Variants in ELMO1 observed in about 807,000 individuals in gnomAD.
The protein encoded by ELMO1 is engulfment and cell motility protein 1.
In ELMO1, 26 loss-of-function variants were observed where a neutral mutation model predicts 98.9. That is an observed-to-expected ratio of 0.26 (90% CI 0.19 to 0.36). The LOEUF is 0.36. Among genes scored for constraint, ELMO1 ranks in the 10% least tolerant of loss-of-function variants. The pLI, the probability that ELMO1 is intolerant of heterozygous loss-of-function variation, is 1.00. For missense variants in ELMO1, 627 were observed against 935.2 expected, an observed-to-expected ratio of 0.67 and a Z score of 4.30; for synonymous variants, 346 against 346.0, an observed-to-expected ratio of 1.00 and a Z score of 0.00.
intron 2 of ELMO1, among the ~76,000 whole-genome samples, chr7:37,332,811 G>C (rs1268587325): frequency 6.6e-6 from 1 of 152,204 alleles, no homozygotes; most frequent in African/African-American, 2.4e-5. Context: ...TTCTATTCTA[G>C]TGCAATGGAA....
chr7:37,013,208 C>A (rs1793678682), intron 16 of ELMO1, 91 bp downstream of exon 16: 3 of 1,484,702 alleles, frequency 2.0e-6, no homozygotes, highest in Middle Eastern at 1.8e-4. Context: ...CCCCACCTTG[C>A]CAATTGCCTT....
At chr7:37,098,498 G>A (rs1784476681) in intron 14 of ELMO1, among the ~76,000 whole-genome samples, 4 of 152,194 alleles carry the variant, frequency 2.6e-5, no homozygotes, top group Admixed American at 2.6e-4. Flanking sequence ...ATCAAACGAT[G>A]AGAAAGACCT....
intron 1 of ELMO1, among the ~76,000 whole-genome samples, chr7:37,346,975 T>C (rs971429010): frequency 1.3e-5 from 2 of 152,054 alleles, no homozygotes; most frequent in African/African-American, 4.8e-5. Context: ...AAAGCAGCCA[T>C]TGAGAGAGCA....
At chr7:37,004,379 T>A (rs895208957) in intron 16 of ELMO1, among the ~76,000 whole-genome samples, 18 of 152,242 alleles carry the variant, frequency 1.2e-4, no homozygotes, top group Non-Finnish European at 2.1e-4. Context: ...CAGAAGTTAC[T>A]GAACAGAGTT....
intron 6 of ELMO1, among the ~76,000 whole-genome samples, chr7:37,253,936 T>G (rs1328984214): frequency 2.0e-5 from 3 of 152,166 alleles, no homozygotes; most frequent in Admixed American, 1.3e-4. Context: ...AATTACAGGA[T>G]CTATTTAATT....
chr7:37,271,629 C>T (rs572905778), intron 5 of ELMO1: 14 of 549,130 alleles, frequency 2.5e-5, no homozygotes, highest in East Asian at 1.2e-4. Context: ...GCTTGCCCTT[C>T]GCCTGGAATA....
chr7:37,250,265 G>T (rs1221585417), intron 6 of ELMO1, among the ~76,000 whole-genome samples: 1 of 152,028 alleles, frequency 6.6e-6, no homozygotes, highest in Non-Finnish European at 1.5e-5. Flanking sequence ...AATGACAGGG[G>T]AGAATAATAT....
chr7:36,985,451 C>T (rs529680076), intron 16 of ELMO1, among the ~76,000 whole-genome samples: 4 of 151,982 alleles, frequency 2.6e-5, no homozygotes, highest in East Asian at 3.9e-4. Context: ...TGCTTCATTC[C>T]GTGGCTGGGG....
At chr7:36,877,819 C>T (rs974018290) in intron 19 of ELMO1, among the ~76,000 whole-genome samples, 191 bp downstream of exon 19, 8 of 152,298 alleles carry the variant, frequency 5.3e-5, no homozygotes, top group African/African-American at 1.9e-4. Context: ...TTACATTCTC[C>T]CCTATTCAGT....
chr7:37,427,294 T>C (rs1297461146), intron 1 of ELMO1, among the ~76,000 whole-genome samples: 1 of 152,248 alleles, frequency 6.6e-6, no homozygotes, highest in African/African-American at 2.4e-5. Flanking sequence ...AAGATATGTT[T>C]CAGGCTAAGA....
chr7:36,985,016 G>A lies in ELMO1; in HGVS notation c.1437+28283C>T, dbSNP rs190693070. 4.0e-5 allele frequency: 39 copies of A among 985,390 alleles called. No individual in the cohort carries two copies. The East Asian group carries it at 4.1e-3, about 103-fold the overall frequency. 61.0% of individuals were successfully genotyped at this position (985,390 alleles called of 1,614,324 possible). On this transcript the variant is annotated intron_variant, in intron 16 of 21. Transcript: ENST00000310758. ...CATTTTTAAGTTTGCAGCTAGAAGGGTCCCTACAGGCAAAGAGTTTCTCGT... is the reference window on the plus strand; with the variant it reads ...CATTTTTAAGTTTGCAGCTAGAAGGATCCCTACAGGCAAAGAGTTTCTCGT...
chr7:36,934,942 G>A (rs1786382345), intron 16 of ELMO1, among the ~76,000 whole-genome samples: 1 of 152,138 alleles, frequency 6.6e-6, no homozygotes, highest in Admixed American at 6.5e-5. Context: ...CTTCCATCTG[G>A]GAGATTTGCT....
At chr7:37,254,583 G>A (rs890500833) in intron 6 of ELMO1, among the ~76,000 whole-genome samples, 3 of 152,156 alleles carry the variant, frequency 2.0e-5, no homozygotes, top group Admixed American at 6.5e-5. Context: ...ACTAGGCTGA[G>A]TAGTGTACGC....
At chr7:37,396,424 T>C (rs930933177) in intron 1 of ELMO1, among the ~76,000 whole-genome samples, 5 of 152,100 alleles carry the variant, frequency 3.3e-5, no homozygotes, top group Non-Finnish European at 5.9e-5. Context: ...GTATAATGCA[T>C]GTCAGAGCCA....
At position 37,343,494 on chromosome 7, in the gene ELMO1, T is replaced by C. The variant is rs1003651900; in HGVS notation, c.-73-731A>G. 2.7e-3 allele frequency among the ~76,000 whole-genome samples: 388 copies of C among 143,828 alleles called. 1 individual carries two copies. The highest frequency in any genetic ancestry group is 9.6e-3 in the African/African-American group (372 of 38,860). 94.4% of individuals were successfully genotyped at this position (143,828 alleles called of 152,430 possible). A position where few individuals can be genotyped will look rare whatever the true frequency, so the allele number is the denominator to read the frequency against. On this transcript the variant is annotated intron_variant, in intron 1 of 21. Coordinates refer to ENST00000310758, the MANE Select transcript of ELMO1 (RefSeq NM_014800.11). ...TCCCAGGCTAGCCCATTTCTTTTTT[T>C]TTTTTTTTTTTTTTTTTGAGGCAGA...
At chr7:37,335,290 G>A (rs766530364) in intron 2 of ELMO1, among the ~76,000 whole-genome samples, 1 of 152,192 alleles carries the variant, frequency 6.6e-6, no homozygotes, top group Non-Finnish European at 1.5e-5. Context: ...GCAGTAGAGA[G>A]CTGGGAGAAG....
chr7:37,164,971 C>T (rs936028838), intron 13 of ELMO1, among the ~76,000 whole-genome samples: 29 of 152,042 alleles, frequency 1.9e-4, no homozygotes, highest in African/African-American at 6.5e-4. Flanking sequence ...TACCCATGAG[C>T]ATGGAATGTT....
intron 16 of ELMO1, among the ~76,000 whole-genome samples, chr7:36,994,948 A>G (rs1207501347): frequency 1.3e-5 from 2 of 152,208 alleles, no homozygotes; most frequent in Non-Finnish European, 2.9e-5. Flanking sequence ...CTTAGCCTGA[A>G]GTTATAACAT....
chr7:37,318,521 CATAG>C (rs1471818051), intron 2 of ELMO1, among the ~76,000 whole-genome samples: 1 of 152,136 alleles, frequency 6.6e-6, no homozygotes, highest in Non-Finnish European at 1.5e-5. Flanking sequence ...AGGTCTGATT[CATAG>C]ATAGAGAATC....
Sources: allele counts gnomAD v4.1 joint callset (sites outside exome capture counted in the v4.1 genomes callset), GRCh38; gene constraint gnomAD v4.1.1; transcripts MANE v1.5; gene names NCBI Gene and HGNC (gene_info 2026-07-23, HGNC 2026-07-21).